Variants in PCSK5 observed in about 807,000 individuals in gnomAD.
The protein encoded by PCSK5 is proprotein convertase subtilisin/kexin type 5, also known as prohormone convertase 5.
A neutral mutation model predicts 233.2 loss-of-function variants in PCSK5; 129 were observed. That is an observed-to-expected ratio of 0.55 (90% CI 0.48 to 0.64). PCSK5 has a LOEUF of 0.64. Among genes scored for constraint, PCSK5 ranks in the 30% least tolerant of loss-of-function variants. PCSK5 has a pLI of 0.00. For synonymous variants in PCSK5, 825 were observed against 879.2 expected (o/e 0.94, Z 1.09); for missense variants, 2,076 against 2,430.1 (o/e 0.85, Z 3.06).
chr9:76,176,467 CTTA>C (rs1823621433), intron 14 of PCSK5, among the ~76,000 whole-genome samples: 1 of 152,064 alleles, frequency 6.6e-6, no homozygotes, highest in South Asian at 2.1e-4. Flanking sequence ...CAATTATTGC[CTTA>C]TTATTCTTCC....
intron 9 of PCSK5, among the ~76,000 whole-genome samples, chr9:76,131,446 CCAAATAT>C (rs2131740387): frequency 6.6e-6 from 1 of 152,060 alleles, no homozygotes; most frequent in East Asian, 1.9e-4. Flanking sequence ...TTGTGCATTA[CCAAATAT>C]CAGAGTAAAA....
intron 20 of PCSK5, among the ~76,000 whole-genome samples, chr9:76,200,823 G>A (rs1164588771): frequency 3.9e-5 from 6 of 152,126 alleles, no homozygotes; most frequent in African/African-American, 7.2e-5. Flanking sequence ...GGGGTCAACC[G>A]GTAAAGAACC....
chr9:76,215,603 C>T (rs1812748168), intron 20 of PCSK5, among the ~76,000 whole-genome samples: 2 of 152,168 alleles, frequency 1.3e-5, no homozygotes, highest in African/African-American at 4.8e-5. Flanking sequence ...ACGCTGAGGG[C>T]CTGCTTGGGG....
chr9:76,000,913 G>C (rs1587481135), intron 3 of PCSK5, among the ~76,000 whole-genome samples: 1 of 147,478 alleles, frequency 6.8e-6, no homozygotes, highest in Non-Finnish European at 1.5e-5. Context: ...GAGACCCTTT[G>C]TTCCTTTTTT....
chr9:76,090,819 T>C (rs188731130), intron 7 of PCSK5, among the ~76,000 whole-genome samples: 330 of 152,252 alleles, frequency 2.2e-3, no homozygotes, highest in Non-Finnish European at 4.1e-3. Context: ...ATTATACAAC[T>C]CACCATAATG....
chr9:76,216,703 C>A (rs968720415), intron 20 of PCSK5, among the ~76,000 whole-genome samples: 1 of 152,096 alleles, frequency 6.6e-6, no homozygotes, highest in Admixed American at 6.5e-5. Context: ...ACTTTGGTGC[C>A]AAATAGAACC....
intron 3 of PCSK5, among the ~76,000 whole-genome samples, chr9:75,997,199 A>AT (rs1461905840): frequency 6.6e-6 from 1 of 152,170 alleles, no homozygotes; most frequent in Non-Finnish European, 1.5e-5. Flanking sequence ...CTGAAAGGTG[A>AT]TTTTGCCTTC....
intron 7 of PCSK5, among the ~76,000 whole-genome samples, chr9:76,092,140 C>T (rs999431091): frequency 5.3e-5 from 8 of 152,102 alleles, no homozygotes; most frequent in African/African-American, 1.9e-4. Context: ...TTGGAAACTA[C>T]GTCCTACCTC....
At chr9:76,040,700 G>A (rs1027452186) in intron 5 of PCSK5, among the ~76,000 whole-genome samples, 34 of 151,984 alleles carry the variant, frequency 2.2e-4, no homozygotes, top group African/African-American at 8.2e-4. Context: ...ACTCTAATTT[G>A]GAGCAGGACC....
At chr9:76,109,439 T>TTAA (rs140530912) in intron 9 of PCSK5, among the ~76,000 whole-genome samples, 26 of 150,900 alleles carry the variant, frequency 1.7e-4, no homozygotes, top group African/African-American at 5.3e-4. Context: ...ATTATTTTTT[T>TTAA]AAAAAAAAAA....
chr9:75,905,723 C>G (rs1188751196), intron 1 of PCSK5, among the ~76,000 whole-genome samples: 2 of 152,170 alleles, frequency 1.3e-5, no homozygotes, highest in African/African-American at 4.8e-5. Context: ...GGCCGGTAGA[C>G]TCTTGTAGCA....
intron 2 of PCSK5, among the ~76,000 whole-genome samples, chr9:75,965,255 G>A (rs1825525023): frequency 1.2e-5 from 1 of 83,124 alleles, no homozygotes; most frequent in African/African-American, 4.5e-5. Flanking sequence ...ATGTGTATGT[G>A]TGTATATGTG....
chr9:76,290,648 T>G (rs1370327895), intron 24 of PCSK5, among the ~76,000 whole-genome samples: 2 of 152,236 alleles, frequency 1.3e-5, no homozygotes, highest in East Asian at 1.9e-4. Context: ...TACAGACACC[T>G]GTGTCCCCTA....
At chr9:76,144,612 C>A (rs1446185989) in intron 10 of PCSK5, among the ~76,000 whole-genome samples, 1 of 152,132 alleles carries the variant, frequency 6.6e-6, no homozygotes, top group Non-Finnish European at 1.5e-5. Flanking sequence ...GAAAGAGGTA[C>A]CTTTCTCTAA....
intron 7 of PCSK5, among the ~76,000 whole-genome samples, chr9:76,073,134 G>T (rs1830535121): frequency 6.6e-6 from 1 of 152,172 alleles, no homozygotes; most frequent in African/African-American, 2.4e-5. Context: ...GAACCACAGG[G>T]TTGTTAAATA....
intron 3 of PCSK5, among the ~76,000 whole-genome samples, chr9:75,999,776 G>A (rs1005539384): frequency 5.9e-5 from 9 of 152,170 alleles, no homozygotes; most frequent in East Asian, 1.9e-4. Context: ...ATTTTGGGGC[G>A]CTTGCTCCCA....
At chr9:76,238,558 A>T in intron 22 of PCSK5, among the ~76,000 whole-genome samples, 1 of 152,226 alleles carries the variant, frequency 6.6e-6, no homozygotes, top group East Asian at 1.9e-4. Flanking sequence ...ATCATTATGC[A>T]TGTGTTTATT....
At chr9:76,064,621 G>A (rs1830204604) in intron 5 of PCSK5, among the ~76,000 whole-genome samples, 2 of 148,040 alleles carry the variant, frequency 1.4e-5, no homozygotes, top group African/African-American at 2.5e-5. Flanking sequence ...AGACGGGGCA[G>A]CTGCCAGGCG....
intron 23 of PCSK5, among the ~76,000 whole-genome samples, chr9:76,240,356 A>G (rs1458476718): frequency 6.6e-6 from 1 of 152,196 alleles, no homozygotes; most frequent in Non-Finnish European, 1.5e-5. Flanking sequence ...AAAATCAATG[A>G]GCTTGACTTC....
Sources: gnomAD v4.1 joint callset for allele counts (sites outside exome capture counted in the v4.1 genomes callset) on GRCh38, gnomAD v4.1.1 for gene constraint, MANE v1.5 for transcripts, NCBI Gene and HGNC (gene_info 2026-07-23, HGNC 2026-07-21) for gene names.